The following RHNO1 variants were observed in gnomAD, a reference collection of about 807,000 sequenced individuals.
The protein encoded by RHNO1 is RAD9, HUS1, RAD1-interacting nuclear orphan protein 1.
Under a neutral mutation model 7.2 loss-of-function variants are expected in RHNO1, and 9 were observed. The observed-to-expected ratio is 1.25, with a 90% CI of 0.75 to 2.18. The LOEUF (loss-of-function observed/expected upper bound fraction) is 2.18, where lower values mean the gene tolerates loss of function less well. RHNO1 is among the 30% of genes most tolerant of loss of function. RHNO1 has a pLI of 0.00. For missense variants in RHNO1, 292 were observed against 284.5 expected, an observed-to-expected ratio of 1.03 and a Z score of -0.19; for synonymous variants, 95 against 107.5, an observed-to-expected ratio of 0.88 and a Z score of 0.72.
At chr12:2,879,195 G>A (rs2098154114) in intron 1 of RHNO1, among the ~76,000 whole-genome samples, 1 of 151,534 alleles carries the variant, frequency 6.6e-6, no homozygotes. Flanking sequence ...GTAGAGACAG[G>A]GTCTCACTCT....
At chr12:2,883,997 A>T (rs2098162333) in intron 1 of RHNO1, among the ~76,000 whole-genome samples, 1 of 152,056 alleles carries the variant, frequency 6.6e-6, no homozygotes. Flanking sequence ...TTTAAAAGCC[A>T]GGTGGGATCA....
At chr12:2,882,698 G>A (rs369868037) in intron 1 of RHNO1, among the ~76,000 whole-genome samples, 106 of 152,218 alleles carry the variant, frequency 7.0e-4, no homozygotes, top group Middle Eastern at 6.8e-3. Context: ...GTGAGACTCC[G>A]TCTCAAAAGA....
Position 2,885,486 on chromosome 12 carries a change from T to G in RHNO1, c.120T>G (p.Thr40=). 6.2e-7 allele frequency: 1 copy of G among 1,602,076 alleles called. No individual in the cohort carries two copies. The highest frequency in any genetic ancestry group is 8.5e-7 in the Non-Finnish European group (1 of 1,173,528). The change falls in exon 2 of 3, where the codon ACT becomes ACG. Residue 40 remains threonine (T), a synonymous_variant. Transcript: ENST00000489288. ...CASTQLPITH[T]RQVPSKPIDH... ...CTACACAGCTTCCCATCACTCACAC[T>G]CGACAGGTGCCCAGCAAGCCCATTG...
At chr12:2,887,068 T>G in intron 2 of RHNO1, 1 of 438,126 alleles carries the variant, frequency 2.3e-6, no homozygotes. Context: ...CTAGACCAGG[T>G]GTTGTGGCTT....
intron 1 of RHNO1, among the ~76,000 whole-genome samples, chr12:2,883,084 A>AAAAAAAAAAAACAC (rs1176902071): frequency 3.0e-5 from 3 of 99,806 alleles, no homozygotes; most frequent in African/African-American, 1.2e-4. Flanking sequence ...AAAAAAAAAA[A>AAAAAAAAAAAACAC]ACACATAGAA....
chr12:2,877,727 C>G (rs898416884), intron 1 of RHNO1, among the ~76,000 whole-genome samples: 5 of 152,158 alleles, frequency 3.3e-5, no homozygotes, highest in African/African-American at 7.2e-5. Flanking sequence ...TATAATAGAC[C>G]GTAGTGCTTT....
rs375116699 is a variant in RHNO1, at chr12:2,888,711, G to A, written c.*252G>A. 3.5e-4 allele frequency: 117 copies of A among 329,598 alleles called. No homozygotes were observed. Among genetic ancestry groups the A allele is most frequent in the African/African-American group, 2.1e-3 (101 of 47,862 alleles). The allele number at this position is 329,598 out of a possible 1,614,324, so 20.4% of individuals were successfully genotyped here. On this transcript the variant is annotated 3_prime_UTR_variant, in exon 3 of 3. Transcript: ENST00000489288. ...CCTGGCTAATTTTTTTGTATTTTTA[G>A]TAGAGATGTGGTTTCTCCATGTTGG...
At position 2,888,218 on chromosome 12, in the gene RHNO1, C is replaced by A; in HGVS notation, c.476C>A (p.Thr159Asn). The A allele has an allele frequency of 6.2e-7, 1 of 1,614,088 alleles. No individual in the cohort carries two copies. Among genetic ancestry groups the A allele is most frequent in the Middle Eastern group, 1.6e-4 (1 of 6,062 alleles). The change falls in exon 3 of 3, where the codon ACC (threonine) becomes AAC (asparagine). Residue 159 changes from threonine (T) to asparagine (N), a missense_variant. Physicochemically the swap from Thr to Asn is moderately conservative, Grantham distance 65. Coordinates refer to ENST00000489288, the MANE Select transcript of RHNO1 (RefSeq NM_001252499.3). The stretch of plus-strand genomic sequence containing the variant: ...GTGTTCATTCCACCTGATATCCAGA[C>A]CCCAGAGTCATCGTCTGTGAAGGAA... Reference protein sequence around the residue: ...PYVFIPPDIQTPESSSVKEEL... With the variant: ...PYVFIPPDIQNPESSSVKEEL...
chr12:2,883,159 G>A (rs2098160482), intron 1 of RHNO1, among the ~76,000 whole-genome samples: 1 of 150,922 alleles, frequency 6.6e-6, no homozygotes, highest in Admixed American at 6.6e-5. Flanking sequence ...TGCGCAGATA[G>A]CTTGAGCTCA....
At position 2,889,019 on chromosome 12, in the gene RHNO1, G is replaced by A. The variant is rs1319438662; in HGVS notation, c.*560G>A. The A allele has an allele frequency of 6.6e-6, 1 of 152,126 alleles. No homozygotes were observed. The highest frequency in any genetic ancestry group is 1.5e-5 in the Non-Finnish European group (1 of 68,064). The allele number at this position is 152,126 out of a possible 1,614,324, so 9.4% of individuals were successfully genotyped here. ...AGCAATATTACCCCATCCACTAATG[G>A]TCTTTGTTTCCTTAACCACTACTCA... On this transcript the variant is annotated 3_prime_UTR_variant, in exon 3 of 3. Coordinates refer to ENST00000489288, the MANE Select transcript of RHNO1 (RefSeq NM_001252499.3).
rs1291616329 is a variant in RHNO1 at position 2,888,360 on chromosome 12, G to A, written c.618G>A (p.Lys206=). ...TGGTTAAAGACACCCCCGAGGACAA[G>A]TATGGAATAAAGGTCACATGGAGGA... ...PVLVKDTPED[K]YGIKVTWRRR... is the part of the protein sequence containing the mutation. Residue 206 remains lysine (K), a synonymous_variant, in exon 3 of 3, where the codon AAG becomes AAA. Transcript: ENST00000489288. 5 of 1,614,186 alleles carry A rather than the reference G, an allele frequency of 3.1e-6. No individual in the cohort carries two copies. In the African/African-American group the frequency reaches 5.3e-5, roughly 17 times the overall value.
chr12:2,883,338 T>G (rs2098160672), intron 1 of RHNO1, among the ~76,000 whole-genome samples: 1 of 150,402 alleles, frequency 6.6e-6, no homozygotes, highest in Non-Finnish European at 1.5e-5. Flanking sequence ...ATCATGCTAC[T>G]GTACTCTAGC....
At position 2,888,214 on chromosome 12, in the gene RHNO1, C is replaced by G. The variant is rs1272611170; in HGVS notation, c.472C>G (p.Gln158Glu). 1.2e-6 allele frequency: 2 copies of G among 1,614,052 alleles called. No homozygotes were observed. The highest frequency in any genetic ancestry group is 1.1e-5 in the South Asian group (1 of 91,070). ...TTATGTGTTCATTCCACCTGATATC[C>G]AGACCCCAGAGTCATCGTCTGTGAA... ...LPYVFIPPDI[Q>E]TPESSSVKEE... The change falls in exon 3 of 3, where the codon CAG (glutamine) becomes GAG (glutamate). Residue 158 changes from glutamine to glutamate, a missense_variant. By Grantham distance (29) the Gln-to-Glu change is conservative. Transcript: ENST00000489288.
chr12:2,878,837 A>G (rs970731242), intron 1 of RHNO1, among the ~76,000 whole-genome samples: 1 of 151,960 alleles, frequency 6.6e-6, no homozygotes, highest in Non-Finnish European at 1.5e-5. Context: ...AACTGAAGGA[A>G]TAATGACACT....
intron 1 of RHNO1, among the ~76,000 whole-genome samples, chr12:2,884,495 G>A (rs1565488936): frequency 6.6e-6 from 1 of 152,200 alleles, no homozygotes; most frequent in Non-Finnish European, 1.5e-5. Context: ...CCAAAGTGCT[G>A]GGATTAGAGG....
chr12:2,877,928 C>G (rs939992487), intron 1 of RHNO1: 2 of 152,304 alleles, frequency 1.3e-5, no homozygotes, highest in Non-Finnish European at 2.9e-5. Flanking sequence ...CGCCTGTAAT[C>G]CCAGCACTTT....
intron 1 of RHNO1, among the ~76,000 whole-genome samples, chr12:2,880,286 A>G (rs1471387059): frequency 6.7e-6 from 1 of 150,222 alleles, no homozygotes; most frequent in Non-Finnish European, 1.5e-5. Flanking sequence ...GCAACAGAAC[A>G]GGACCCCATC....
chr12:2,885,483 C>T lies in RHNO1; in HGVS notation c.117C>T (p.His39=), dbSNP rs1387010131. The T allele has an allele frequency of 3.1e-6, 5 of 1,613,654 alleles. No homozygotes were observed. Among genetic ancestry groups the T allele is most frequent in the Non-Finnish European group, 4.2e-6 (5 of 1,179,962 alleles). The change falls in exon 2 of 3, where the codon CAC becomes CAT. Residue 39 remains histidine, a synonymous_variant. Transcript: ENST00000489288. ...SCASTQLPIT[H]TRQVPSKPID... The stretch of plus-strand genomic sequence containing the variant: ...CATCTACACAGCTTCCCATCACTCA[C>T]ACTCGACAGGTGCCCAGCAAGCCCA...
chr12:2,883,489 ATATATATATATATATATATATATTTTT>A (rs1358761829), intron 1 of RHNO1, among the ~76,000 whole-genome samples: 1 of 19,016 alleles, frequency 5.3e-5, no homozygotes. Context: ...ATATATATAT[ATATATATATATATATATATATATTTTT>A]TTTTTTTTTT....
Sources: allele counts gnomAD v4.1 joint callset (sites outside exome capture counted in the v4.1 genomes callset), GRCh38; gene constraint gnomAD v4.1.1; transcripts MANE v1.5; gene names NCBI Gene and HGNC (gene_info 2026-07-23, HGNC 2026-07-21).